Variants in ETF1 observed in about 807,000 individuals in gnomAD.
The protein encoded by ETF1 is eukaryotic translation termination factor 1, also known as eukaryotic peptide chain release factor subunit 1.
In ETF1, 4 loss-of-function variants were observed where a neutral mutation model predicts 55.1. That is an observed-to-expected ratio of 0.07 (90% CI 0.04 to 0.17). The LOEUF (loss-of-function observed/expected upper bound fraction) is 0.17, where lower values mean the gene tolerates loss of function less well. Ranked by LOEUF, ETF1 falls within the 10% of genes least tolerant of loss-of-function variation. The probability of loss-of-function intolerance (pLI) is 1.00; values close to 1 mark genes in which losing one functional copy is unlikely to be tolerated. For missense variants in ETF1, 142 were observed against 523.6 expected (o/e 0.27, Z 7.11); for synonymous variants, 157 against 182.3 (o/e 0.86, Z 1.12).
At chr5:138,543,064 A>G (rs1766255592) in intron 1 of ETF1, 33 bp downstream of exon 1, 1 of 782,660 alleles carries the variant, frequency 1.3e-6, no homozygotes, top group East Asian at 2.7e-5. Flanking sequence ...GCTCGCCACA[A>G]AGGTCACCGG....
intron 2 of ETF1, among the ~76,000 whole-genome samples, chr5:138,525,928 G>A (rs1313649869): frequency 3.0e-5 from 4 of 132,362 alleles, no homozygotes; most frequent in Non-Finnish European, 4.7e-5. Flanking sequence ...CTGGGCAACA[G>A]AGTGAGACTC....
At chr5:138,535,493 G>A (rs1765884343) in intron 2 of ETF1, among the ~76,000 whole-genome samples, 1 of 151,872 alleles carries the variant, frequency 6.6e-6, no homozygotes, top group Admixed American at 6.6e-5. Flanking sequence ...GCCGAGGCGG[G>A]CGGATCACCT....
At chr5:138,520,349 G>A (rs1015223337) in intron 2 of ETF1, among the ~76,000 whole-genome samples, 5 of 152,034 alleles carry the variant, frequency 3.3e-5, no homozygotes, top group Non-Finnish European at 5.9e-5. Flanking sequence ...AAAGGAAATG[G>A]GTAAATACCA....
chr5:138,530,724 C>G (rs1765664046), intron 2 of ETF1, among the ~76,000 whole-genome samples: 1 of 152,094 alleles, frequency 6.6e-6, no homozygotes, highest in Non-Finnish European at 1.5e-5. Flanking sequence ...CAGGCACGCG[C>G]CACAATGCCT....
At position 138,543,192 on chromosome 5, in the gene ETF1, C is replaced by T. The variant is rs1176905663; in HGVS notation, c.-114G>A. On this transcript the variant is annotated 5_prime_UTR_variant, in exon 1 of 11. Transcript: ENST00000360541. The stretch of plus-strand genomic sequence containing the variant: ...ACGTAGGACACCGGCTCCCTCTCTC[C>T]AGGCAGCTGCATGTGTTGCAATCCG... 7.3e-6 allele frequency: 4 copies of T among 551,508 alleles called. No individual in the cohort carries two copies. Among genetic ancestry groups the T allele is most frequent in the Non-Finnish European group, 1.3e-5 (4 of 311,926 alleles). 34.2% of individuals were successfully genotyped at this position (551,508 alleles called of 1,614,324 possible).
intron 2 of ETF1, among the ~76,000 whole-genome samples, chr5:138,524,602 A>C (rs10074396): frequency 1.4e-5 from 2 of 143,242 alleles, no homozygotes; most frequent in South Asian, 2.3e-4. Context: ...TTTTTGAGAC[A>C]GAGTCTTGCT....
At position 138,518,886 on chromosome 5, in the gene ETF1, C is replaced by T; in HGVS notation, c.87-19G>A. On this transcript the variant is annotated intron_variant, in intron 2 of 10. Transcript: ENST00000360541. ...GCCATTGCTGTGGAAGAAAGAATAA[C>T]TCATTAGGGATTTAAATATCATGTA... The T allele has an allele frequency of 6.2e-7, 1 of 1,609,964 alleles. No homozygotes were observed. The highest frequency in any genetic ancestry group is 2.2e-5 in the East Asian group (1 of 44,724).
At chr5:138,512,225 A>C (rs56929475) in intron 6 of ETF1, among the ~76,000 whole-genome samples, 1 of 44,126 alleles carries the variant, frequency 2.3e-5, no homozygotes, top group African/African-American at 1.3e-4. Flanking sequence ...AAAAAAAAAA[A>C]ATATATATAT....
At chr5:138,513,975 A>C (rs541708475) in intron 4 of ETF1, 1 of 855,988 alleles carries the variant, frequency 1.2e-6, no homozygotes, top group African/African-American at 1.8e-5. Flanking sequence ...AACCAGAAAG[A>C]TATCTGTATG....
intron 2 of ETF1, among the ~76,000 whole-genome samples, chr5:138,531,635 A>G (rs1379985305): frequency 2.0e-5 from 3 of 152,180 alleles, no homozygotes; most frequent in African/African-American, 4.8e-5. Flanking sequence ...ATGCTCCCCA[A>G]GAAGCTTTCA....
chr5:138,534,879 CAAT>C (rs1294432973), intron 2 of ETF1, among the ~76,000 whole-genome samples: 4 of 151,224 alleles, frequency 2.6e-5, no homozygotes, highest in African/African-American at 9.8e-5. Context: ...CATGAAATGG[CAAT>C]AATAGCTTTC....
At position 138,543,148 on chromosome 5, in the gene ETF1, CGCGGCGGCGGCGGCTCT is replaced by C; in HGVS notation, c.-87_-71del. 1 of 577,366 alleles carries C rather than the reference CGCGGCGGCGGCGGCTCT, an allele frequency of 1.7e-6. No individual in the cohort carries two copies. Among genetic ancestry groups the C allele is most frequent in the Non-Finnish European group, 3.0e-6 (1 of 328,852 alleles). 35.8% of individuals were successfully genotyped at this position (577,366 alleles called of 1,614,324 possible). On this transcript the variant is annotated 5_prime_UTR_variant, in exon 1 of 11. The change abolishes the stop of an existing upstream ORF in the 5' untranslated region. Transcript: ENST00000360541. ...GGCTGCTCCTCCCCGGCGGCGGCTC[CGCGGCGGCGGCGGCTCT>C]GACGTAGGACACCGGCTCCCTCTCT...
chr5:138,542,684 C>T, intron 2 of ETF1, 149 bp downstream of exon 2: 1 of 1,462,472 alleles, frequency 6.8e-7, no homozygotes, highest in Non-Finnish European at 9.0e-7. Flanking sequence ...CGACCCTCGC[C>T]CCTGGGTCAG....
At chr5:138,511,768 T>G (rs1764794917) in intron 6 of ETF1, 164 bp from the exon 7 acceptor site, 1 of 984,164 alleles carries the variant, frequency 1.0e-6, no homozygotes, top group Admixed American at 6.2e-5. Context: ...CAAAAGCTGC[T>G]CTTAAAGTGA....
At chr5:138,535,548 T>G (rs1300554219) in intron 2 of ETF1, among the ~76,000 whole-genome samples, 2 of 151,788 alleles carry the variant, frequency 1.3e-5, no homozygotes, top group African/African-American at 4.8e-5. Flanking sequence ...GGCAAAACTC[T>G]GTCTCTACTA....
At chr5:138,539,053 A>G (rs1766067595) in intron 2 of ETF1, among the ~76,000 whole-genome samples, 2 of 152,232 alleles carry the variant, frequency 1.3e-5, no homozygotes, top group African/African-American at 2.4e-5. Context: ...GAAGTTTGCA[A>G]GCTCACTGAC....
intron 2 of ETF1, 115 bp downstream of exon 2, chr5:138,542,718 A>G: frequency 6.5e-7 from 1 of 1,527,222 alleles, no homozygotes; most frequent in Non-Finnish European, 8.8e-7. Flanking sequence ...GAGATCCAGA[A>G]GGCGGGAGTT....
chr5:138,508,658 T>G lies in ETF1; in HGVS notation c.1231+11A>C. The G allele has an allele frequency of 3.7e-6, 6 of 1,612,202 alleles. No individual in the cohort carries two copies. Among genetic ancestry groups the G allele is most frequent in the Non-Finnish European group, 5.1e-6 (6 of 1,179,866 alleles). The stretch of plus-strand genomic sequence containing the variant: ...CTGGTTTTAAGTTTGGTTTGCTGAT[T>G]TGCTACTCACCTCCAATTCCACCAA... On this transcript the variant is annotated intron_variant, in intron 10 of 10. Coordinates refer to ENST00000360541, the MANE Select transcript of ETF1 (RefSeq NM_004730.4).
intron 2 of ETF1, among the ~76,000 whole-genome samples, chr5:138,525,373 G>T (rs1003435529): frequency 4.6e-5 from 7 of 151,540 alleles, no homozygotes; most frequent in Non-Finnish European, 7.4e-5. Context: ...GGCCAGGCTG[G>T]TCTCGAACTC....
Sources: allele counts gnomAD v4.1 joint callset (sites outside exome capture counted in the v4.1 genomes callset), GRCh38; gene constraint gnomAD v4.1.1; transcripts MANE v1.5; gene names NCBI Gene and HGNC (gene_info 2026-07-23, HGNC 2026-07-21).